The following IL12RB1 variants were observed in gnomAD, a reference collection of about 807,000 sequenced individuals.
IL12RB1 encodes the protein interleukin-12 receptor subunit beta-1.
A neutral mutation model predicts 94.4 loss-of-function variants in IL12RB1; 64 were observed. The observed-to-expected ratio is 0.68, with a 90% CI of 0.55 to 0.83. The LOEUF (loss-of-function observed/expected upper bound fraction) is 0.83. IL12RB1 is among the 40% of genes least tolerant of loss of function. IL12RB1 has a pLI of 0.00. For missense variants in IL12RB1, 814 were observed against 855.6 expected (o/e 0.95, Z 0.61); for synonymous variants, 362 against 355.5 (o/e 1.02, Z -0.21).
chr19:18,093,030 C>A (rs1359676276), intron 1 of IL12RB1, among the ~76,000 whole-genome samples: 2 of 151,878 alleles, frequency 1.3e-5, no homozygotes, highest in Admixed American at 6.6e-5. Flanking sequence ...TTAGGCCGGG[C>A]ACAGTGGCTC....
Position 18,059,276 on chromosome 19 carries a change from T to A in IL12RB1, c.*332A>T, listed in dbSNP as rs1033335673. ...GGAGCCCTTGAGTCCAGACTCCCCA[T>A]CCAGTGCTCCTGGGGGTGGATGCCC... On this transcript the variant is annotated 3_prime_UTR_variant, in exon 17 of 17. Coordinates refer to ENST00000593993, the MANE Select transcript of IL12RB1 (RefSeq NM_005535.3). The A allele has an allele frequency of 4.4e-6, 2 of 454,470 alleles. No homozygotes were observed. Among genetic ancestry groups the A allele is most frequent in the African/African-American group, 4.0e-5 (2 of 50,452 alleles). The allele number at this position is 454,470 out of a possible 1,614,324, so 28.2% of individuals were successfully genotyped here.
intron 12 of IL12RB1, among the ~76,000 whole-genome samples, chr19:18,064,478 T>TG (rs1276068734): frequency 1.7e-5 from 1 of 58,090 alleles, no homozygotes; most frequent in East Asian, 5.2e-4. Context: ...ATCTCAAGAT[T>TG]TTTTTTTTTT....
chr19:18,075,659 G>T, intron 7 of IL12RB1, 90 bp downstream of exon 7: 2 of 1,177,934 alleles, frequency 1.7e-6, no homozygotes, highest in Non-Finnish European at 1.3e-6. Context: ...AGCCTTCTGA[G>T]CAGCTGGAAC....
chr19:18,088,406 A>ATATATATATATATATATATAT (rs2036478393), upstream of IL12RB1, among the ~76,000 whole-genome samples: 1 of 106,682 alleles, frequency 9.4e-6, no homozygotes, highest in Non-Finnish European at 2.1e-5. Context: ...TATATATATA[A>ATATATATATATATATATATAT]ATTAAAAGTT....
upstream of IL12RB1, chr19:18,086,960 T>C: frequency 6.5e-7 from 1 of 1,536,240 alleles, no homozygotes; most frequent in South Asian, 1.2e-5. Flanking sequence ...AGAAAAAAAG[T>C]AAAGTGTCAC....
At chr19:18,080,550 C>T (rs1405838156) in intron 4 of IL12RB1, among the ~76,000 whole-genome samples, 1 of 151,990 alleles carries the variant, frequency 6.6e-6, no homozygotes, top group Non-Finnish European at 1.5e-5. Flanking sequence ...TACATGATGT[C>T]GAGTCATGAG....
intron 1 of IL12RB1, among the ~76,000 whole-genome samples, chr19:18,084,548 A>G (rs1322112951): frequency 6.7e-6 from 1 of 149,842 alleles, no homozygotes; most frequent in East Asian, 2.0e-4. Context: ...CATTCACCCA[A>G]CCATCCATCT....
chr19:18,065,889 A>T (rs1216571164), intron 12 of IL12RB1, among the ~76,000 whole-genome samples: 1 of 151,530 alleles, frequency 6.6e-6, no homozygotes, highest in Non-Finnish European at 1.5e-5. Context: ...AAAATAAAAT[A>T]TTAACTGTGC....
chr19:18,075,445 G>C (rs917015663), intron 7 of IL12RB1, among the ~76,000 whole-genome samples: 1 of 151,626 alleles, frequency 6.6e-6, no homozygotes, highest in African/African-American at 2.4e-5. Context: ...ATTTTTAGTA[G>C]AGAAGGGGTT....
chr19:18,064,340 T>C (rs1388115342), intron 12 of IL12RB1, among the ~76,000 whole-genome samples: 1 of 150,808 alleles, frequency 6.6e-6, no homozygotes, highest in Non-Finnish European at 1.5e-5. Flanking sequence ...GGGGTTTCAC[T>C]GTGTTAGCCA....
chr19:18,083,434 G>C lies in IL12RB1; in HGVS notation c.122C>G (p.Ser41Ter). 6.2e-7 allele frequency: 1 copy of C among 1,614,052 alleles called. No homozygotes were observed. The highest frequency in any genetic ancestry group is 1.7e-5 in the Admixed American group (1 of 60,020). Residue 41 changes from serine to a stop codon, truncating the protein, a stop_gained and splice_region_variant, in exon 2 of 17, where the codon TCA (serine) becomes TGA (stop). Transcript: ENST00000593993. LOFTEE classifies it high-confidence loss of function. ...FQDPPYPDADSGSASGPRDLR... is the reference protein window; with the variant it reads ...FQDPPYPDAD ...AACAATGAGGAACTGCCCCGAACCT[G>C]AGTCTGCATCCGGATATGGCGGGTC... is the stretch of plus-strand genomic sequence containing the variant.
chr19:18,084,271 C>T (rs1456121490), intron 1 of IL12RB1, among the ~76,000 whole-genome samples: 1 of 146,788 alleles, frequency 6.8e-6, no homozygotes, highest in East Asian at 2.0e-4. Flanking sequence ...ATCCATCCAC[C>T]CCCCATCCAT....
chr19:18,072,967 G>A (rs17878666), intron 8 of IL12RB1, among the ~76,000 whole-genome samples: 17,957 of 144,938 alleles, frequency 0.12, 1,281 homozygotes, highest in East Asian at 0.28. Flanking sequence ...AAAAAAAAAG[G>A]AAAAAAAAGA....
intron 4 of IL12RB1, among the ~76,000 whole-genome samples, chr19:18,079,084 G>A (rs2035686253): frequency 6.6e-6 from 1 of 150,982 alleles, no homozygotes. Flanking sequence ...CTTTTTTGGT[G>A]TGTGGTGAGA....
chr19:18,093,363 T>TGTGC (rs2036730063), intron 1 of IL12RB1, among the ~76,000 whole-genome samples: 1 of 86,144 alleles, frequency 1.2e-5, no homozygotes, highest in African/African-American at 5.2e-5. Context: ...TGTGTGTGCG[T>TGTGC]GTGTGTGTGT....
At chr19:18,060,997 A>G in intron 15 of IL12RB1, 125 bp downstream of exon 15, 1 of 688,180 alleles carries the variant, frequency 1.5e-6, no homozygotes. Flanking sequence ...GGGAAGGGGT[A>G]TGGAGCACTG....
rs754507050 is a variant in IL12RB1, at chr19:18,059,565, C to G, written c.*43G>C. The G allele has an allele frequency of 1.3e-6, 1 of 778,734 alleles. No individual in the cohort carries two copies. 48.2% of individuals were successfully genotyped at this position (778,734 alleles called of 1,614,324 possible). ...CCAAATGTGACTCCTGTGTGTGCTACGTAGCCTCGGGCGAGTCACTCACCC... is the reference window on the plus strand; with the variant it reads ...CCAAATGTGACTCCTGTGTGTGCTAGGTAGCCTCGGGCGAGTCACTCACCC... On this transcript the variant is annotated 3_prime_UTR_variant, in exon 17 of 17. Coordinates refer to ENST00000593993, the MANE Select transcript of IL12RB1 (RefSeq NM_005535.3).
chr19:18,076,185 G>A (rs1281563165), intron 6 of IL12RB1, 112 bp downstream of exon 6: 5 of 751,436 alleles, frequency 6.7e-6, no homozygotes, highest in South Asian at 4.1e-5. Context: ...TGAACTATGG[G>A]GCAGGGTAAG....
intron 6 of IL12RB1, 99 bp downstream of exon 6, chr19:18,076,198 G>A (rs1014018404): frequency 1.0e-5 from 8 of 770,164 alleles, no homozygotes; most frequent in African/African-American, 1.0e-4. Context: ...AGGGTAAGAG[G>A]CATACAAAAA....
Sources: gnomAD v4.1 joint callset for allele counts (sites outside exome capture counted in the v4.1 genomes callset) on GRCh38, gnomAD v4.1.1 for gene constraint, MANE v1.5 for transcripts, NCBI Gene and HGNC (gene_info 2026-07-23, HGNC 2026-07-21) for gene names.